MAGI1: variants seen among roughly 807,000 people sequenced by gnomAD.
MAGI1 encodes membrane associated guanylate kinase, WW and PDZ domain containing 1.
In MAGI1, 58 loss-of-function variants were observed where a neutral mutation model predicts 139.9. That is an observed-to-expected ratio of 0.41 (90% confidence interval 0.34 to 0.52). The LOEUF is 0.52. MAGI1 is among the 20% of genes least tolerant of loss of function. The pLI is 0.12. For synonymous variants in MAGI1, 812 were observed against 737.9 expected, an observed-to-expected ratio of 1.10 and a Z score of -1.63; for missense variants, 1,874 against 1,901.6, an observed-to-expected ratio of 0.99 and a Z score of 0.27.
intron 1 of MAGI1, among the ~76,000 whole-genome samples, chr3:65,686,815 C>T (rs1434629748): frequency 6.6e-6 from 1 of 152,188 alleles, no homozygotes; most frequent in Non-Finnish European, 1.5e-5. Flanking sequence ...AGTTTTAATA[C>T]ACATCACACA....
In MAGI1 at chr3:65,621,486, T is replaced by C. The variant is rs564800643; in HGVS notation, c.430+486A>G. ...ATCCTGACTTATGAATCTGATGAAG[T>C]TGGCCAAAAGGAGAACCCTGGGAAG... is the stretch of plus-strand genomic sequence containing the variant. On this transcript the variant is annotated intron_variant, in intron 2 of 22. Transcript: ENST00000402939. Among the ~76,000 whole-genome samples the C allele has an allele frequency of 9.7e-4, 148 of 152,298 alleles. 1 individual carries two copies. The highest frequency in any genetic ancestry group is 3.3e-3 in the African/African-American group (139 of 41,570).
At chr3:65,371,963 C>A in intron 18 of MAGI1, 1 of 414,706 alleles carries the variant, frequency 2.4e-6, no homozygotes, top group Non-Finnish European at 4.8e-6. Flanking sequence ...CGAAACCCCT[C>A]AAAGTCATCC....
chr3:65,712,792 C>T lies in MAGI1; in HGVS notation c.314-90704G>A, dbSNP rs947846678. Among the ~76,000 whole-genome samples the T allele has an allele frequency of 5.3e-5, 8 of 152,150 alleles. No homozygotes were observed. In the East Asian group the frequency reaches 7.7e-4, roughly 15 times the overall value. ...CTCCCAAAGAAATTGTTTCAAGTCA[C>T]TATGTTTTGGGGTGATTTGCTATGC... On this transcript the variant is annotated intron_variant, in intron 1 of 22. Coordinates refer to ENST00000402939, the MANE Select transcript of MAGI1 (RefSeq NM_001033057.2).
At chr3:65,887,811 T>C (rs1444425780) in intron 1 of MAGI1, among the ~76,000 whole-genome samples, 1 of 152,180 alleles carries the variant, frequency 6.6e-6, no homozygotes, top group African/African-American at 2.4e-5. Flanking sequence ...TTGCCCATTA[T>C]CTCACTTACT....
intron 13 of MAGI1, among the ~76,000 whole-genome samples, chr3:65,394,544 CT>C (rs1369740941): frequency 3.3e-5 from 5 of 152,164 alleles, no homozygotes; most frequent in African/African-American, 1.2e-4. Flanking sequence ...CCTGCTAAGA[CT>C]TAACCTCATT....
chr3:65,814,300 GATGATGC>G (rs2041466178), intron 1 of MAGI1, among the ~76,000 whole-genome samples: 1 of 152,080 alleles, frequency 6.6e-6, no homozygotes, highest in Admixed American at 6.6e-5. Context: ...AATTAGTTGA[GATGATGC>G]ATGTAATGGT....
chr3:65,559,467 A>T (rs1017646066), intron 2 of MAGI1, among the ~76,000 whole-genome samples: 28 of 152,234 alleles, frequency 1.8e-4, no homozygotes, highest in African/African-American at 6.8e-4. Context: ...GAAAATATTT[A>T]TCTACATATT....
chr3:65,707,589 C>T (rs752156877), intron 1 of MAGI1, among the ~76,000 whole-genome samples: 15 of 149,272 alleles, frequency 1.0e-4, no homozygotes, highest in Non-Finnish European at 1.9e-4. Context: ...ACTTGGGAGG[C>T]TGAGGTGGGA....
At chr3:65,424,195 G>A (rs189016876) in intron 12 of MAGI1, among the ~76,000 whole-genome samples, 2 of 152,292 alleles carry the variant, frequency 1.3e-5, no homozygotes, top group East Asian at 3.9e-4. Context: ...AATGACAGTA[G>A]TGACATTATC....
intron 1 of MAGI1, among the ~76,000 whole-genome samples, chr3:65,759,825 A>G (rs907888173): frequency 2.0e-5 from 3 of 152,134 alleles, no homozygotes; most frequent in Admixed American, 6.5e-5. Context: ...AAGAGGTGAG[A>G]AAGATTCAAA....
chr3:65,372,714 G>A (rs1002726527), intron 18 of MAGI1, among the ~76,000 whole-genome samples: 30 of 152,226 alleles, frequency 2.0e-4, no homozygotes, highest in Admixed American at 7.2e-4. Flanking sequence ...AATTAAATCC[G>A]CTGGAAAACT....
intron 2 of MAGI1, among the ~76,000 whole-genome samples, chr3:65,561,484 C>A (rs1184491759): frequency 1.3e-5 from 2 of 152,072 alleles, no homozygotes; most frequent in African/African-American, 4.8e-5. Flanking sequence ...TTAACTTGAA[C>A]TCAAAGGATC....
chr3:65,829,265 G>T (rs958498101), intron 1 of MAGI1, among the ~76,000 whole-genome samples: 3 of 152,170 alleles, frequency 2.0e-5, no homozygotes, highest in African/African-American at 7.2e-5. Flanking sequence ...TAGCCTCTTG[G>T]TCTTTAAAAT....
chr3:66,014,853 C>T (rs1013857153), intron 1 of MAGI1, among the ~76,000 whole-genome samples: 1 of 152,280 alleles, frequency 6.6e-6, no homozygotes, highest in Admixed American at 6.5e-5. Flanking sequence ...TGCCTCCAGG[C>T]CTTTGCTCCC....
chr3:65,645,758 C>A (rs191476840), intron 1 of MAGI1, among the ~76,000 whole-genome samples: 4 of 151,966 alleles, frequency 2.6e-5, no homozygotes, highest in Non-Finnish European at 5.9e-5. Flanking sequence ...TGTAAAGAGA[C>A]GTAAGGTTTC....
intron 1 of MAGI1, among the ~76,000 whole-genome samples, chr3:66,000,579 A>C (rs2107440343): frequency 6.6e-6 from 1 of 152,340 alleles, no homozygotes; most frequent in Non-Finnish European, 1.5e-5. Flanking sequence ...TGGGAAATAA[A>C]AGCTAAAACT....
At chr3:65,899,845 T>G (rs1204830697) in intron 1 of MAGI1, among the ~76,000 whole-genome samples, 1 of 152,154 alleles carries the variant, frequency 6.6e-6, no homozygotes, top group African/African-American at 2.4e-5. Context: ...AATAAACCCT[T>G]CCTGATGCAC....
chr3:65,980,787 G>T (rs969653421), intron 1 of MAGI1, among the ~76,000 whole-genome samples: 9 of 152,120 alleles, frequency 5.9e-5, no homozygotes, highest in Admixed American at 5.2e-4. Context: ...GTGCTGTAGA[G>T]CTTACCCCGT....
intron 1 of MAGI1, among the ~76,000 whole-genome samples, chr3:65,633,914 C>T (rs9809287): frequency 4.6e-5 from 7 of 152,176 alleles, no homozygotes; most frequent in Admixed American, 6.5e-5. Context: ...TCTAAAGATA[C>T]GGGTGTCTGT....
Sources: allele counts gnomAD v4.1 joint callset (sites outside exome capture counted in the v4.1 genomes callset), GRCh38; gene constraint gnomAD v4.1.1; transcripts MANE v1.5; gene names NCBI Gene and HGNC (gene_info 2026-07-23, HGNC 2026-07-21).